The following MMS22L variants were observed in gnomAD, a reference collection of about 807,000 sequenced individuals.
MMS22L encodes the protein MMS22 like, DNA repair protein, also known as protein MMS22-like.
A neutral mutation model predicts 159.1 loss-of-function variants in MMS22L; 74 were observed. The ratio of observed to expected loss-of-function variants is 0.47; its 90% confidence interval spans 0.39 to 0.56. The LOEUF (loss-of-function observed/expected upper bound fraction) is 0.56. Among genes scored for constraint, MMS22L ranks in the 20% least tolerant of loss-of-function variants. MMS22L has a pLI of 0.00. For synonymous variants in MMS22L, 517 were observed against 506.9 expected, an observed-to-expected ratio of 1.02 and a Z score of -0.27; for missense variants, 1,351 against 1,422.1, an observed-to-expected ratio of 0.95 and a Z score of 0.80.
chr6:97,245,348 C>T (rs1208136950), intron 11 of MMS22L, among the ~76,000 whole-genome samples: 1 of 152,012 alleles, frequency 6.6e-6, no homozygotes, highest in African/African-American at 2.4e-5. Context: ...GACTCAGATT[C>T]AGTAACTCCC....
At chr6:97,260,260 T>C (rs1188665505) in intron 9 of MMS22L, 4 of 152,206 alleles carry the variant, frequency 2.6e-5, no homozygotes, top group Non-Finnish European at 5.9e-5. Flanking sequence ...ATATTAGCTA[T>C]ATCACACTGT....
At chr6:97,185,176 A>G (rs773295255) in intron 15 of MMS22L, among the ~76,000 whole-genome samples, 1 of 152,036 alleles carries the variant, frequency 6.6e-6, no homozygotes, top group Non-Finnish European at 1.5e-5. Flanking sequence ...ACTCTTTCCC[A>G]CAGCATTTAT....
chr6:97,259,939 G>A (rs940458518), intron 9 of MMS22L: 2 of 152,044 alleles, frequency 1.3e-5, no homozygotes, highest in Non-Finnish European at 2.9e-5. Flanking sequence ...GGATTGCTAG[G>A]GTCAAAGTTA....
intron 14 of MMS22L, among the ~76,000 whole-genome samples, chr6:97,213,403 C>T (rs1808611677): frequency 6.6e-6 from 1 of 151,614 alleles, no homozygotes; most frequent in African/African-American, 2.4e-5. Flanking sequence ...CAAAACTCCA[C>T]CTCAAAAAAA....
At chr6:97,226,714 T>C (rs562657384) in intron 14 of MMS22L, among the ~76,000 whole-genome samples, 4 of 152,052 alleles carry the variant, frequency 2.6e-5, no homozygotes, top group African/African-American at 9.7e-5. Flanking sequence ...TATATATATG[T>C]ATGTAGGTAG....
intron 22 of MMS22L, among the ~76,000 whole-genome samples, chr6:97,155,327 TTATTAC>T (rs879938965): frequency 7.1e-6 from 1 of 140,966 alleles, no homozygotes; most frequent in Non-Finnish European, 1.6e-5. Flanking sequence ...TAAATTGTTA[TTATTAC>T]TATAAGTTCT....
intron 10 of MMS22L, among the ~76,000 whole-genome samples, chr6:97,253,219 C>G (rs1483830526): frequency 1.3e-5 from 2 of 152,178 alleles, no homozygotes; most frequent in African/African-American, 2.4e-5. Context: ...TTTTTGAGAC[C>G]CTTTCCATTT....
chr6:97,246,501 T>A, intron 11 of MMS22L, 127 bp downstream of exon 11: 1 of 678,238 alleles, frequency 1.5e-6, no homozygotes, highest in Non-Finnish European at 2.5e-6. Context: ...TACTGTGAGT[T>A]AACCCTTCAA....
intron 20 of MMS22L, among the ~76,000 whole-genome samples, chr6:97,166,981 T>C (rs1803021346): frequency 6.6e-6 from 1 of 152,162 alleles, no homozygotes; most frequent in African/African-American, 2.4e-5. Context: ...TAAAACTCTG[T>C]TAAGAAATAC....
chr6:97,266,244 T>G (rs1291683846), intron 8 of MMS22L: 3 of 152,236 alleles, frequency 2.0e-5, no homozygotes, highest in African/African-American at 7.2e-5. Flanking sequence ...ACAGCCATCA[T>G]GTAATACAGT....
At position 97,178,591 on chromosome 6, in the gene MMS22L, A is replaced by G; in HGVS notation, c.2537-6T>C. On this transcript the variant is annotated splice_polypyrimidine_tract_variant and splice_region_variant and intron_variant, in intron 17 of 24. Transcript: ENST00000683635. ...CTGTTTCATGTACTCTTTTTCTGTT[A>G]AAATAAAATAGTATTTGTTATATCA... The G allele has an allele frequency of 7.0e-7, 1 of 1,432,576 alleles. No individual in the cohort carries two copies. Among genetic ancestry groups the G allele is most frequent in the Non-Finnish European group, 9.6e-7 (1 of 1,044,198 alleles). 88.7% of individuals were successfully genotyped at this position (1,432,576 alleles called of 1,614,324 possible).
intron 18 of MMS22L, among the ~76,000 whole-genome samples, chr6:97,175,647 A>G (rs1448300835): frequency 6.6e-6 from 1 of 152,168 alleles, no homozygotes; most frequent in Non-Finnish European, 1.5e-5. Flanking sequence ...CAATGTTGAC[A>G]CACTTCATTA....
At chr6:97,275,120 C>T (rs1350496142) in intron 4 of MMS22L, among the ~76,000 whole-genome samples, 1 of 152,118 alleles carries the variant, frequency 6.6e-6, no homozygotes, top group Non-Finnish European at 1.5e-5. Flanking sequence ...AATGTGAAAC[C>T]CACAATGTTC....
At chr6:97,238,933 A>AAG (rs1263371661) in intron 11 of MMS22L, among the ~76,000 whole-genome samples, 1 of 127,528 alleles carries the variant, frequency 7.8e-6, no homozygotes, top group African/African-American at 2.9e-5. Flanking sequence ...AAAAAAAAAA[A>AAG]GAAAAAAGAA....
chr6:97,270,642 TAG>T (rs1433448588), intron 6 of MMS22L: 2 of 162,050 alleles, frequency 1.2e-5, no homozygotes, highest in African/African-American at 4.8e-5. Context: ...TTAAAACAAA[TAG>T]AAAGAATGAT....
chr6:97,243,834 T>C (rs985063406), intron 11 of MMS22L, among the ~76,000 whole-genome samples: 1 of 152,102 alleles, frequency 6.6e-6, no homozygotes, highest in Non-Finnish European at 1.5e-5. Context: ...ATTGCTCTTC[T>C]GGGTCTAGTC....
At chr6:97,157,776 T>A (rs1802013563) in intron 22 of MMS22L, among the ~76,000 whole-genome samples, 1 of 151,756 alleles carries the variant, frequency 6.6e-6, no homozygotes, top group Non-Finnish European at 1.5e-5. Context: ...TGATCTAAAA[T>A]TTTTTTTTGT....
rs1386380232 is a variant in MMS22L, at chr6:97,164,779, A to G, written c.3221+467T>C. On this transcript the variant is annotated intron_variant, in intron 21 of 24. Transcript: ENST00000683635. ...TTAGAGCCATCCGCTACCATGTCCA[A>G]CTAATTTTTTTGTATTTTTAGTACA... Among the ~76,000 whole-genome samples the G allele has an allele frequency of 2.6e-5, 4 of 151,804 alleles. No individual in the cohort carries two copies. In the East Asian group the frequency reaches 7.7e-4, roughly 29 times the overall value.
At chr6:97,154,601 TGGTTCATTTTA>T (rs1801644362) in intron 22 of MMS22L, among the ~76,000 whole-genome samples, 1 of 152,220 alleles carries the variant, frequency 6.6e-6, no homozygotes, top group East Asian at 1.9e-4. Context: ...CTTAGGTCTA[TGGTTCATTTTA>T]GGTTAGTTTT....
Sources: gnomAD v4.1 joint callset for allele counts (sites outside exome capture counted in the v4.1 genomes callset) on GRCh38, gnomAD v4.1.1 for gene constraint, MANE v1.5 for transcripts, NCBI Gene and HGNC (gene_info 2026-07-23, HGNC 2026-07-21) for gene names.